Variants in USH2A observed in about 807,000 individuals in gnomAD.
USH2A encodes the protein Usher syndrome 2A (autosomal recessive, mild).
A neutral mutation model predicts 538.9 loss-of-function variants in USH2A; 443 were observed. That is an observed-to-expected ratio of 0.82 (90% CI 0.76 to 0.89). The LOEUF (loss-of-function observed/expected upper bound fraction) is 0.89. Among genes scored for constraint, USH2A ranks in the 40% least tolerant of loss-of-function variants. USH2A has a pLI of 0.00. For synonymous variants in USH2A, 2,413 were observed against 2,273.5 expected (o/e 1.06, Z -1.75); for missense variants, 6,633 against 6,324.8 (o/e 1.05, Z -1.65).
rs1311585861 is a variant in USH2A at position 215,827,438 on chromosome 1, A to G, written c.9372-10243T>C. On this transcript the variant is annotated intron_variant, in intron 47 of 71. Coordinates refer to ENST00000307340, the MANE Select transcript of USH2A (RefSeq NM_206933.4). Reference sequence around the variant, plus strand: ...AGGAGTTTGGGAAGAAGAGGGAGGTAAGGAAATGAAAATAGTGATAGCAGA... The same window carrying G: ...AGGAGTTTGGGAAGAAGAGGGAGGTGAGGAAATGAAAATAGTGATAGCAGA... Among the ~76,000 whole-genome samples, 7 of 152,274 alleles carry G rather than the reference A, an allele frequency of 4.6e-5. No individual in the cohort carries two copies. The East Asian group carries it at 1.2e-3, about 25-fold the overall frequency.
chr1:215,973,660 T>TCTTC lies in USH2A; in HGVS notation c.6806-2885_6806-2884insGAAG, dbSNP rs61689232. 5.9e-4 allele frequency among the ~76,000 whole-genome samples: 84 copies of TCTTC among 142,194 alleles called. 1 individual carries two copies. Among genetic ancestry groups the TCTTC allele is most frequent in the Admixed American group, 1.3e-3 (18 of 14,252 alleles). The allele number at this position is 142,194 out of a possible 152,430, so 93.3% of individuals were successfully genotyped here. A position where few individuals can be genotyped will look rare whatever the true frequency, so the allele number is the denominator to read the frequency against. Reference sequence around the variant, plus strand: ...AATTTACTTCTTCTTCTTCTTCTTTTTTTTTTTTTTTTTTGTCTATCTGAC... The same window carrying TCTTC: ...AATTTACTTCTTCTTCTTCTTCTTTTCTTCTTTTTTTTTTTTTTGTCTATCTGAC... On this transcript the variant is annotated intron_variant, in intron 35 of 71. Transcript: ENST00000307340.
intron 14 of USH2A, among the ~76,000 whole-genome samples, chr1:216,219,647 G>T (rs979281968): frequency 6.6e-6 from 1 of 152,044 alleles, no homozygotes; most frequent in African/African-American, 2.4e-5. Context: ...TATTGATTTT[G>T]CCAGGATAAA....
chr1:216,166,149 G>C lies in USH2A; in HGVS notation c.4627+9103C>G, dbSNP rs1424297724. On this transcript the variant is annotated intron_variant, in intron 21 of 71. Transcript: ENST00000307340. ...CCAGATTTGGCATGGGAGGAGGCTGGGGTTGCTGGAAGTTTATTTAGGGGA... is the reference window on the plus strand; with the variant it reads ...CCAGATTTGGCATGGGAGGAGGCTGCGGTTGCTGGAAGTTTATTTAGGGGA... Among the ~76,000 whole-genome samples, 4 of 152,094 alleles carry C rather than the reference G, an allele frequency of 2.6e-5. No homozygotes were observed. The East Asian group carries it at 7.7e-4, about 29-fold the overall frequency.
At chr1:216,260,439 G>T (rs992454610) in intron 11 of USH2A, among the ~76,000 whole-genome samples, 1 of 152,154 alleles carries the variant, frequency 6.6e-6, no homozygotes, top group Admixed American at 6.6e-5. Flanking sequence ...AGCTAAGGAA[G>T]ATTTTGTCCC....
intron 9 of USH2A, among the ~76,000 whole-genome samples, chr1:216,313,756 CTTT>C (rs2037462181): frequency 6.6e-6 from 1 of 152,016 alleles, no homozygotes; most frequent in Non-Finnish European, 1.5e-5. Flanking sequence ...TGCATTCTTT[CTTT>C]CTTGTTTCTA....
intron 61 of USH2A, among the ~76,000 whole-genome samples, chr1:215,713,747 T>C (rs1464648858): frequency 1.3e-5 from 2 of 152,268 alleles, no homozygotes; most frequent in African/African-American, 4.8e-5. Context: ...CAATGAATCA[T>C]ATCAAGCTCT....
chr1:215,849,868 T>C (rs1663971017), intron 44 of USH2A, among the ~76,000 whole-genome samples: 1 of 152,180 alleles, frequency 6.6e-6, no homozygotes, highest in Admixed American at 6.5e-5. Context: ...TGGTTACTTA[T>C]GTGTAAAAAC....
At chr1:216,233,173 G>A (rs2035735162) in intron 13 of USH2A, among the ~76,000 whole-genome samples, 1 of 152,090 alleles carries the variant, frequency 6.6e-6, no homozygotes, top group South Asian at 2.1e-4. Context: ...CCTACAGTCA[G>A]GTCCCAGCTA....
rs141549439 is a variant in USH2A, at chr1:215,732,544, C to CT, written c.11712-4161dup. Among the ~76,000 whole-genome samples the CT allele has an allele frequency of 4.5e-3, 333 of 73,580 alleles. 21 individuals carry two copies. Among genetic ancestry groups the CT allele is most frequent in the African/African-American group, 0.016 (265 of 16,326 alleles). 48.3% of individuals were successfully genotyped at this position (73,580 alleles called of 152,430 possible). The stretch of plus-strand genomic sequence containing the variant: ...TCTTTCTTATTCTCCTTTTTTCTTT[C>CT]TTTTTTTTTTTTTTTTTTTTTTTTT... On this transcript the variant is annotated intron_variant, in intron 60 of 71. Coordinates refer to ENST00000307340, the MANE Select transcript of USH2A (RefSeq NM_206933.4).
At chr1:216,044,439 GTGA>G (rs2030426884) in intron 32 of USH2A, among the ~76,000 whole-genome samples, 1 of 152,062 alleles carries the variant, frequency 6.6e-6, no homozygotes, top group Admixed American at 6.6e-5. Flanking sequence ...CTTCCATGGT[GTGA>G]TTTAATTTTT....
intron 49 of USH2A, among the ~76,000 whole-genome samples, chr1:215,805,549 T>C (rs12130528): frequency 0.021 from 3,144 of 152,140 alleles, 46 homozygotes; most frequent in Non-Finnish European, 0.028. Flanking sequence ...TCAATGCCAC[T>C]GAATTGTGTG....
At chr1:216,244,791 A>G (rs1284763646) in intron 13 of USH2A, among the ~76,000 whole-genome samples, 1 of 152,236 alleles carries the variant, frequency 6.6e-6, no homozygotes, top group East Asian at 1.9e-4. Context: ...ACCAAAGGGA[A>G]CAAATGTTTG....
rs2032019592 is a variant in USH2A at position 216,083,527 on chromosome 1, T to G, written c.5227A>C (p.Lys1743Gln). Residue 1743 changes from lysine to glutamine, a missense_variant, in exon 26 of 72, where the codon AAG becomes CAG. Coordinates refer to ENST00000307340, the MANE Select transcript of USH2A (RefSeq NM_206933.4). ...HGGMNFEISF[K>Q]FRTDQLNGLL... ...CCATTTAATTGGTCAGTTCTGAACT[T>G]AAAGGAAATCTCAAAGTTCATTCCA... 1.2e-6 allele frequency: 2 copies of G among 1,612,470 alleles called. No homozygotes were observed.
chr1:216,165,046 C>A (rs1028541336), intron 21 of USH2A, among the ~76,000 whole-genome samples: 1 of 152,082 alleles, frequency 6.6e-6, no homozygotes. Context: ...ACAGCCATTG[C>A]CACTTTCTGA....
chr1:215,778,334 G>A (rs1226465758), intron 55 of USH2A, among the ~76,000 whole-genome samples: 1 of 152,170 alleles, frequency 6.6e-6, no homozygotes, highest in Non-Finnish European at 1.5e-5. Flanking sequence ...TTACAGGCAT[G>A]AGCCACCGCA....
At chr1:216,415,573 T>C (rs1313463531) in intron 3 of USH2A, among the ~76,000 whole-genome samples, 1 of 148,380 alleles carries the variant, frequency 6.7e-6, no homozygotes, top group East Asian at 2.0e-4. Flanking sequence ...TGGAATGCAG[T>C]GGCATGATCA....
chr1:215,896,597 C>T (rs578254560), intron 40 of USH2A, among the ~76,000 whole-genome samples: 3 of 152,202 alleles, frequency 2.0e-5, no homozygotes, highest in South Asian at 4.1e-4. Context: ...GAAAAACTTG[C>T]CCTCCCTGCC....
intron 55 of USH2A, among the ~76,000 whole-genome samples, chr1:215,767,468 G>A (rs915362414): frequency 6.6e-6 from 1 of 152,112 alleles, no homozygotes; most frequent in African/African-American, 2.4e-5. Context: ...TATCTAATGC[G>A]CCCTTTTTTG....
chr1:215,666,978 C>T (rs1440075340), intron 64 of USH2A, among the ~76,000 whole-genome samples: 4 of 152,114 alleles, frequency 2.6e-5, no homozygotes, highest in African/African-American at 4.8e-5. Context: ...GTAATCCCAG[C>T]TACTTGGGAG....
Sources: allele counts gnomAD v4.1 joint callset (sites outside exome capture counted in the v4.1 genomes callset), GRCh38; gene constraint gnomAD v4.1.1; transcripts MANE v1.5; gene names NCBI Gene and HGNC (gene_info 2026-07-23, HGNC 2026-07-21).